HPSE2: variants seen among roughly 807,000 people sequenced by gnomAD.
The protein encoded by HPSE2 is inactive heparanase-2.
Under a neutral mutation model 60.5 loss-of-function variants are expected in HPSE2, and 38 were observed. The observed-to-expected ratio is 0.63, with a 90% confidence interval of 0.48 to 0.82. The LOEUF (loss-of-function observed/expected upper bound fraction) is 0.82, where lower values mean the gene tolerates loss of function less well. HPSE2 is among the 40% of genes least tolerant of loss of function. The pLI, the probability that HPSE2 is intolerant of heterozygous loss-of-function variation, is 0.00. For missense variants in HPSE2, 713 were observed against 740.4 expected, an observed-to-expected ratio of 0.96 and a Z score of 0.43; for synonymous variants, 295 against 293.2, an observed-to-expected ratio of 1.01 and a Z score of -0.06.
intron 2 of HPSE2, among the ~76,000 whole-genome samples, chr10:99,148,118 G>A (rs1174001943): frequency 6.6e-6 from 1 of 152,128 alleles, no homozygotes; most frequent in Non-Finnish European, 1.5e-5. Context: ...AACAGAACCA[G>A]AACATGCAGA....
rs1950586652 is a variant in HPSE2 at position 98,788,679 on chromosome 10, C to T, written c.611-44623G>A. On this transcript the variant is annotated intron_variant, in intron 3 of 11. Transcript: ENST00000370552. ...GTTTCTTAAGCCGGTCTGAAAAGCG[C>T]AATATTTGGGTGGGAGTGACCCGAT... is the stretch of plus-strand genomic sequence containing the variant. Among the ~76,000 whole-genome samples the T allele has an allele frequency of 2.0e-5, 3 of 152,178 alleles. No individual in the cohort carries two copies. In the East Asian group the frequency reaches 5.8e-4, roughly 30 times the overall value.
intron 3 of HPSE2, among the ~76,000 whole-genome samples, chr10:98,750,390 T>A (rs759301735): frequency 6.6e-6 from 1 of 152,268 alleles, no homozygotes; most frequent in Non-Finnish European, 1.5e-5. Flanking sequence ...CTCATTGACA[T>A]AGAAGCCATT....
At chr10:99,189,477 C>G (rs1040060849) in intron 2 of HPSE2, among the ~76,000 whole-genome samples, 7 of 152,108 alleles carry the variant, frequency 4.6e-5, no homozygotes, top group African/African-American at 1.7e-4. Flanking sequence ...CAATAAAAAG[C>G]ATGAACTTAC....
the HPSE2 span, among the ~76,000 whole-genome samples, chr10:99,313,783 G>C: frequency 6.6e-6 from 1 of 151,206 alleles, no homozygotes; most frequent in Non-Finnish European, 1.5e-5. Context: ...TTTATTTTTA[G>C]TAGAGACAGG....
At chr10:99,156,728 A>G (rs982956403) in intron 2 of HPSE2, among the ~76,000 whole-genome samples, 1 of 131,086 alleles carries the variant, frequency 7.6e-6, no homozygotes, top group Non-Finnish European at 1.7e-5. Flanking sequence ...CCTATTCAAC[A>G]TAGTGTTGAA....
At chr10:99,047,749 T>C in intron 3 of HPSE2, 1 of 858,522 alleles carries the variant, frequency 1.2e-6, no homozygotes, top group Admixed American at 1.7e-5. Context: ...GAAAGAAGTT[T>C]GCCCAAAGGA....
intron 9 of HPSE2, among the ~76,000 whole-genome samples, chr10:98,566,467 T>C (rs1410616969): frequency 1.3e-5 from 2 of 152,226 alleles, no homozygotes; most frequent in Middle Eastern, 3.2e-3. Context: ...ACCTTTCTAG[T>C]GGCCTTCAAG....
At chr10:98,509,904 C>T (rs538812596) in intron 9 of HPSE2, among the ~76,000 whole-genome samples, 6 of 152,164 alleles carry the variant, frequency 3.9e-5, no homozygotes, top group Admixed American at 2.6e-4. Flanking sequence ...TCCTGCCCCT[C>T]CTATCCCAAC....
In HPSE2 at chr10:99,163,349, T is replaced by G. The variant is rs369344004; in HGVS notation, c.449-18950A>C. 1.2e-4 allele frequency among the ~76,000 whole-genome samples: 18 copies of G among 152,346 alleles called. 1 individual carries two copies. The East Asian group carries it at 3.5e-3, about 29-fold the overall frequency. On this transcript the variant is annotated intron_variant, in intron 2 of 11. Coordinates refer to ENST00000370552, the MANE Select transcript of HPSE2 (RefSeq NM_021828.5). ...CATTTTGCCATATTTCCTTCAGATT[T>G]ATTTAAAGAAATAAAATAGTTCAAA...
chr10:98,652,306 A>G (rs190584118), intron 6 of HPSE2, among the ~76,000 whole-genome samples: 1 of 152,292 alleles, frequency 6.6e-6, no homozygotes. Flanking sequence ...AACATAGTGC[A>G]TTGGGGATCT....
At chr10:99,036,732 A>G (rs957142778) in intron 3 of HPSE2, among the ~76,000 whole-genome samples, 1 of 152,204 alleles carries the variant, frequency 6.6e-6, no homozygotes, top group African/African-American at 2.4e-5. Context: ...GAGGTCATGG[A>G]TATTTTCATA....
At chr10:98,829,688 TC>T (rs1555010275) in intron 3 of HPSE2, among the ~76,000 whole-genome samples, 1 of 152,000 alleles carries the variant, frequency 6.6e-6, no homozygotes, top group African/African-American at 2.4e-5. Context: ...AATTTAAACT[TC>T]CCCCCAAAAC....
chr10:98,788,560 A>G (rs1388276226), intron 3 of HPSE2, among the ~76,000 whole-genome samples: 1 of 151,600 alleles, frequency 6.6e-6, no homozygotes, highest in South Asian at 2.1e-4. Flanking sequence ...GCCGCCTTGC[A>G]GTTTGATCTC....
At chr10:99,206,690 TTATAAG>T (rs1444126497) in intron 2 of HPSE2, among the ~76,000 whole-genome samples, 2 of 151,810 alleles carry the variant, frequency 1.3e-5, no homozygotes, top group Non-Finnish European at 1.5e-5. Context: ...ATGACCAAAA[TTATAAG>T]TATAATGAGA....
chr10:99,132,193 G>GAAAGAAAGAAAGAAAGAAAGAAAGAC (rs1462262867), intron 3 of HPSE2, among the ~76,000 whole-genome samples: 4 of 13,418 alleles, frequency 3.0e-4, no homozygotes, highest in African/African-American at 6.3e-4. Flanking sequence ...AAGAAAGAAA[G>GAAAGAAAGAAAGAAAGAAAGAAAGAC]AGAGAGAGAG....
At chr10:98,782,917 T>A (rs1280598521) in intron 3 of HPSE2, among the ~76,000 whole-genome samples, 68 of 40,816 alleles carry the variant, frequency 1.7e-3, no homozygotes, top group Non-Finnish European at 2.5e-3. Context: ...TGTTTATTTT[T>A]TTTTTTTTAT....
intron 9 of HPSE2, among the ~76,000 whole-genome samples, chr10:98,571,346 C>T (rs1944487543): frequency 6.6e-6 from 1 of 152,060 alleles, no homozygotes; most frequent in Non-Finnish European, 1.5e-5. Context: ...TTTACTACTA[C>T]TACTACTACT....
upstream of HPSE2, chr10:99,235,993 TTTTTTC>T (rs1201771865): frequency 1.6e-5 from 8 of 490,734 alleles, no homozygotes; most frequent in Middle Eastern, 5.3e-4. Flanking sequence ...CTCGTTTTGT[TTTTTTC>T]TTTTTTTTTT....
At chr10:99,056,663 A>C (rs1958121509) in intron 3 of HPSE2, among the ~76,000 whole-genome samples, 1 of 152,184 alleles carries the variant, frequency 6.6e-6, no homozygotes, top group Non-Finnish European at 1.5e-5. Flanking sequence ...CTTCATCGTA[A>C]GAGCTAAAGC....
Sources: gnomAD v4.1 joint callset for allele counts (sites outside exome capture counted in the v4.1 genomes callset) on GRCh38, gnomAD v4.1.1 for gene constraint, MANE v1.5 for transcripts, NCBI Gene and HGNC (gene_info 2026-07-23, HGNC 2026-07-21) for gene names.